CPM: variants seen among roughly 807,000 people sequenced by gnomAD.
CPM encodes the protein renal carboxypeptidase.
Under a neutral mutation model 46.4 loss-of-function variants are expected in CPM, and 35 were observed. The observed-to-expected ratio is 0.75, with a 90% CI of 0.58 to 1.00. The LOEUF (loss-of-function observed/expected upper bound fraction) is 1.00. Among genes scored for constraint, CPM ranks in the 50% least tolerant of loss-of-function variants. The pLI is 0.00. For missense variants in CPM, 422 were observed against 530.4 expected, an observed-to-expected ratio of 0.80 and a Z score of 2.01; for synonymous variants, 195 against 195.3, an observed-to-expected ratio of 1.00 and a Z score of 0.01.
At chr12:68,941,735 G>C (rs1336576677) in intron 1 of CPM, among the ~76,000 whole-genome samples, 1 of 152,112 alleles carries the variant, frequency 6.6e-6, no homozygotes, top group Non-Finnish European at 1.5e-5. Context: ...ATGTATCTGA[G>C]GGAGTTTGGG....
At chr12:68,868,593 T>C (rs1347923669) in intron 6 of CPM, among the ~76,000 whole-genome samples, 5 of 152,120 alleles carry the variant, frequency 3.3e-5, no homozygotes, top group Admixed American at 6.5e-5. Context: ...TTTATATTAT[T>C]CCCTCTAATA....
At chr12:68,865,273 C>T (rs908847574) in intron 7 of CPM, among the ~76,000 whole-genome samples, 1 of 152,186 alleles carries the variant, frequency 6.6e-6, no homozygotes, top group African/African-American at 2.4e-5. Flanking sequence ...TTCATAACAT[C>T]CCCTATCACA....
intron 5 of CPM, among the ~76,000 whole-genome samples, chr12:68,870,012 G>A (rs1050599131): frequency 6.6e-6 from 1 of 152,176 alleles, no homozygotes; most frequent in Non-Finnish European, 1.5e-5. Context: ...TGCATGTCCA[G>A]CTGTGGGTTG....
chr12:68,878,458 G>T (rs533153935), intron 3 of CPM, among the ~76,000 whole-genome samples: 1 of 152,290 alleles, frequency 6.6e-6, no homozygotes, highest in Non-Finnish European at 1.5e-5. Context: ...GGATGGATCT[G>T]CTGGCACCAC....
rs1263675182 is a variant in CPM at position 68,854,724 on chromosome 12, T to C, written c.*1713A>G. ...CCCTTCCCCAGTGCTGTGTGGACGATGGACTGAAGAGGAGAAGGCTGGGAG... is the reference window on the plus strand; with the variant it reads ...CCCTTCCCCAGTGCTGTGTGGACGACGGACTGAAGAGGAGAAGGCTGGGAG... On this transcript the variant is annotated 3_prime_UTR_variant, in exon 9 of 9. Transcript: ENST00000551568. The C allele has an allele frequency of 6.6e-6, 1 of 152,444 alleles. No homozygotes were observed. Among genetic ancestry groups the C allele is most frequent in the Non-Finnish European group, 1.5e-5 (1 of 68,244 alleles). The allele number at this position is 152,444 out of a possible 1,614,324, so 9.4% of individuals were successfully genotyped here. A position where few individuals can be genotyped will look rare whatever the true frequency, so the allele number is the denominator to read the frequency against.
intron 2 of CPM, among the ~76,000 whole-genome samples, chr12:68,905,455 A>G (rs1887304627): frequency 6.7e-6 from 1 of 149,398 alleles, no homozygotes; most frequent in Non-Finnish European, 1.5e-5. Flanking sequence ...TAATTTTTGT[A>G]CTTTTTGTAA....
chr12:68,957,380 G>T, intron 1 of CPM: 1 of 237,046 alleles, frequency 4.2e-6, no homozygotes. Context: ...ATTCAGCTAA[G>T]GGGGCACCAT....
intron 1 of CPM, among the ~76,000 whole-genome samples, chr12:68,954,676 A>G (rs1231712629): frequency 1.3e-5 from 2 of 152,088 alleles, no homozygotes; most frequent in African/African-American, 2.4e-5. Flanking sequence ...ACATATCTCA[A>G]TGCTCACTTG....
At chr12:68,928,808 T>C (rs1888379637) in intron 2 of CPM, among the ~76,000 whole-genome samples, 1 of 151,758 alleles carries the variant, frequency 6.6e-6, no homozygotes, top group South Asian at 2.1e-4. Flanking sequence ...GGCACGATCA[T>C]GGCCCACTGC....
intron 8 of CPM, among the ~76,000 whole-genome samples, 171 bp downstream of exon 8, chr12:68,858,752 A>G (rs1215837722): frequency 6.7e-6 from 1 of 149,914 alleles, no homozygotes. Context: ...TTTTTCATAT[A>G]ATTTCCACCT....
chr12:68,936,535 C>T (rs555906711), upstream of CPM, among the ~76,000 whole-genome samples: 127 of 152,232 alleles, frequency 8.3e-4, no homozygotes, highest in Middle Eastern at 0.01. Context: ...AGGTGCCCAC[C>T]ACCACGCCTG....
At position 68,918,494 on chromosome 12, in the gene CPM, C is replaced by G. The variant is rs1184077205; in HGVS notation, c.160+14184G>C. ...ATTTCATCCCAAATCTGTCCTCTTC[C>G]AGTTTTGTCCATCTAACATAAGAAC... On this transcript the variant is annotated intron_variant, in intron 2 of 8. Coordinates refer to ENST00000551568, the MANE Select transcript of CPM (RefSeq NM_198320.5). Among the ~76,000 whole-genome samples, 4 of 152,134 alleles carry G rather than the reference C, an allele frequency of 2.6e-5. No individual in the cohort carries two copies. In the East Asian group the frequency reaches 7.7e-4, roughly 29 times the overall value.
intron 2 of CPM, among the ~76,000 whole-genome samples, chr12:68,923,775 T>C (rs1888137032): frequency 2.0e-5 from 3 of 152,200 alleles, no homozygotes; most frequent in South Asian, 4.1e-4. Flanking sequence ...AGATTACAAA[T>C]GCAGATTGGT....
intron 5 of CPM, chr12:68,843,295 TGAGAGAGA>T (rs138844063): frequency 1.8e-5 from 4 of 219,084 alleles, no homozygotes; most frequent in East Asian, 6.7e-5. Context: ...GGCCATTTAT[TGAGAGAGA>T]GAGAGAGAGA....
intron 2 of CPM, among the ~76,000 whole-genome samples, chr12:68,887,379 G>A (rs1886479078): frequency 6.6e-6 from 1 of 152,184 alleles, no homozygotes; most frequent in Non-Finnish European, 1.5e-5. Flanking sequence ...CTTTAAATCA[G>A]GAGTCCCACA....
chr12:68,941,579 GTTGCCCA>G (rs751354621), intron 1 of CPM, among the ~76,000 whole-genome samples: 19 of 152,260 alleles, frequency 1.2e-4, no homozygotes, highest in Non-Finnish European at 2.5e-4. Context: ...GTCTCACCAT[GTTGCCCA>G]GGCTGGTCTC....
chr12:68,887,687 A>G (rs74788484), intron 2 of CPM, among the ~76,000 whole-genome samples: 56 of 152,338 alleles, frequency 3.7e-4, no homozygotes, highest in Admixed American at 1.2e-3. Flanking sequence ...TCTATGCCCA[A>G]TGAATTTCTG....
intron 2 of CPM, among the ~76,000 whole-genome samples, chr12:68,924,223 G>A (rs976640385): frequency 5.3e-5 from 8 of 151,540 alleles, no homozygotes; most frequent in African/African-American, 1.7e-4. Context: ...TAGGAAGGGC[G>A]CAGTGGCTCA....
At chr12:68,907,271 T>C (rs1887391193) in intron 2 of CPM, among the ~76,000 whole-genome samples, 1 of 152,224 alleles carries the variant, frequency 6.6e-6, no homozygotes, top group Non-Finnish European at 1.5e-5. Flanking sequence ...CTGCAGTTGC[T>C]GAAATAGCCA....
Sources: allele counts gnomAD v4.1 joint callset (sites outside exome capture counted in the v4.1 genomes callset), GRCh38; gene constraint gnomAD v4.1.1; transcripts MANE v1.5; gene names NCBI Gene and HGNC (gene_info 2026-07-23, HGNC 2026-07-21).